Variants in SPATA13 observed in about 807,000 individuals in gnomAD.
The protein encoded by SPATA13 is spermatogenesis associated 13, also known as spermatogenesis-associated protein 13.
In SPATA13, 50 loss-of-function variants were observed where a neutral mutation model predicts 104.0. The ratio of observed to expected loss-of-function variants is 0.48; its 90% CI spans 0.38 to 0.61. The LOEUF (loss-of-function observed/expected upper bound fraction) is 0.61. Among genes scored for constraint, SPATA13 ranks in the 20% least tolerant of loss-of-function variants. The pLI, the probability that SPATA13 is intolerant of heterozygous loss-of-function variation, is 0.00. For synonymous variants in SPATA13, 606 were observed against 667.5 expected, an observed-to-expected ratio of 0.91 and a Z score of 1.42; for missense variants, 1,524 against 1,690.6, an observed-to-expected ratio of 0.90 and a Z score of 1.73.
At position 24,079,595 on chromosome 13, in the gene SPATA13, G is replaced by T. The variant is rs147034003; in HGVS notation, c.-112+61894G>T. Among the ~76,000 whole-genome samples the T allele has an allele frequency of 2.3e-3, 357 of 152,226 alleles. 8 individuals are homozygous for T. The East Asian group carries it at 0.049, about 21-fold the overall frequency. ...ATGGGCAAATGCTAGTAATACAGGG[G>T]GGTCCTGACGGCTTGAGGGAGAGAC... On this transcript the variant is annotated intron_variant, in intron 3 of 14. Transcript: ENST00000424834.
At chr13:24,283,293 G>A (rs1041938782) in intron 4 of SPATA13, among the ~76,000 whole-genome samples, 2 of 152,168 alleles carry the variant, frequency 1.3e-5, no homozygotes, top group Non-Finnish European at 2.9e-5. Context: ...TAAAGACAAG[G>A]GTCATCTGTT....
chr13:24,066,801 A>G (rs1422714953), intron 3 of SPATA13, among the ~76,000 whole-genome samples: 1 of 152,092 alleles, frequency 6.6e-6, no homozygotes, highest in East Asian at 1.9e-4. Context: ...TGCACAGTCA[A>G]CCTTCAAACT....
rs1168079513 is a variant in SPATA13, at chr13:24,222,873, A to G, written c.-57A>G. 6.5e-7 allele frequency: 1 copy of G among 1,545,216 alleles called. No individual in the cohort carries two copies. The highest frequency in any genetic ancestry group is 8.7e-7 in the Non-Finnish European group (1 of 1,142,976). The stretch of plus-strand genomic sequence containing the variant: ...AGGCAGGTGTGAGTGCCAGGACGGC[A>G]TTCCTGGAGATGAAGGCCTGGAGCT... On this transcript the variant is annotated 5_prime_UTR_variant, in exon 2 of 13. Transcript: ENST00000382108.
At chr13:24,302,427 A>C (rs779944890) in intron 12 of SPATA13, among the ~76,000 whole-genome samples, 171 bp from the exon 13 acceptor site, 4 of 135,934 alleles carry the variant, frequency 2.9e-5, no homozygotes, top group Non-Finnish European at 6.2e-5. Context: ...ACACCACTGC[A>C]CTCCAGCCTG....
intron 4 of SPATA13, among the ~76,000 whole-genome samples, chr13:24,268,849 C>A (rs528604751): frequency 1.3e-5 from 2 of 152,134 alleles, no homozygotes; most frequent in Non-Finnish European, 2.9e-5. Flanking sequence ...ACTTGTAGTG[C>A]GGGTTACTAA....
intron 1 of SPATA13, among the ~76,000 whole-genome samples, chr13:24,178,449 A>T (rs1868580432): frequency 6.6e-6 from 1 of 152,176 alleles, no homozygotes; most frequent in Non-Finnish European, 1.5e-5. Context: ...CATCACTTGT[A>T]TACAGTTATT....
At chr13:24,281,901 G>A (rs528125579) in intron 4 of SPATA13, among the ~76,000 whole-genome samples, 2 of 152,292 alleles carry the variant, frequency 1.3e-5, no homozygotes, top group South Asian at 4.1e-4. Flanking sequence ...CATCACCAGT[G>A]CATGAGCTTG....
At chr13:24,288,711 C>T (rs1488096992) in intron 7 of SPATA13, among the ~76,000 whole-genome samples, 2 of 152,200 alleles carry the variant, frequency 1.3e-5, no homozygotes, top group African/African-American at 2.4e-5. Flanking sequence ...TGGAAAAACA[C>T]GTGACGACAC....
intron 1 of SPATA13, among the ~76,000 whole-genome samples, chr13:24,192,314 A>G (rs1410239116): frequency 6.6e-6 from 1 of 152,102 alleles, no homozygotes; most frequent in African/African-American, 2.4e-5. Context: ...TTAATTTCCA[A>G]TTCAGGGGCT....
At chr13:24,194,478 T>C (rs111564789) in intron 1 of SPATA13, among the ~76,000 whole-genome samples, 7 of 152,204 alleles carry the variant, frequency 4.6e-5, no homozygotes, top group Admixed American at 2.0e-4. Flanking sequence ...CTCTGTGAAA[T>C]AGGAGAAACC....
In SPATA13 at chr13:24,302,883, CT is replaced by C; in HGVS notation, c.*114del. The C allele has an allele frequency of 7.2e-7, 1 of 1,388,782 alleles. No individual in the cohort carries two copies. The highest frequency in any genetic ancestry group is 1.0e-6 in the Non-Finnish European group (1 of 999,332). 86.0% of individuals were successfully genotyped at this position (1,388,782 alleles called of 1,614,324 possible). A position where few individuals can be genotyped will look rare whatever the true frequency, so the allele number is the denominator to read the frequency against. ...TCTTGGACCCAGTGATAAAAACTTC[CT>C]TTTAGGGATCAATGAAGGAGAGAAG... On this transcript the variant is annotated 3_prime_UTR_variant, in exon 13 of 13. Coordinates refer to ENST00000382108, the MANE Select transcript of SPATA13 (RefSeq NM_001166271.3).
chr13:24,159,110 A>C (rs79898602), upstream of SPATA13, among the ~76,000 whole-genome samples: 26 of 151,664 alleles, frequency 1.7e-4, no homozygotes, highest in East Asian at 5.8e-4. Context: ...TAATAAAAAA[A>C]CCCTCAATTT....
At chr13:24,258,346 A>G (rs920675182) in intron 4 of SPATA13, among the ~76,000 whole-genome samples, 6 of 139,668 alleles carry the variant, frequency 4.3e-5, no homozygotes, top group African/African-American at 1.6e-4. Context: ...GTTTACCATG[A>G]GAATGAAGAG....
intron 3 of SPATA13, among the ~76,000 whole-genome samples, chr13:24,063,208 G>A (rs567512905): frequency 1.3e-5 from 2 of 152,218 alleles, no homozygotes; most frequent in East Asian, 1.9e-4. Flanking sequence ...GGTTTTATTC[G>A]CGTCTGCCTC....
rs754107229 is a variant in SPATA13 at position 24,286,805 on chromosome 13, G to T, written c.2522G>T (p.Ser841Ile). The T allele has an allele frequency of 6.2e-7, 1 of 1,613,658 alleles. No homozygotes were observed. The highest frequency in any genetic ancestry group is 8.5e-7 in the Non-Finnish European group (1 of 1,179,968). Reference protein sequence around the residue: ...NQEELSENSSSTPSEEQDEEA... With the variant: ...NQEELSENSSITPSEEQDEEA... ...GAAGAGCTGTCGGAAAACTCCAGCA[G>T]CACCCCCAGTGAGGAGCAGGACGAG... The change falls in exon 7 of 13, where the codon AGC (serine) becomes ATC (isoleucine). Residue 841 changes from serine (S) to isoleucine (I), a missense_variant. Ser to Ile is a moderately radical substitution (Grantham distance 142). This residue lies in a region of SPATA13 where 1,089 missense variants were observed against 1,135.9 expected (regional missense o/e 0.96). Transcript: ENST00000382108. The surrounding 1 kb of genome is among the most constrained non-coding windows in gnomAD (Gnocchi z 4.9).
At chr13:23,983,398 C>T (rs1472634877) in intron 1 of SPATA13, among the ~76,000 whole-genome samples, 2 of 152,144 alleles carry the variant, frequency 1.3e-5, no homozygotes, top group Admixed American at 6.5e-5. Context: ...CCTCAATTAC[C>T]GCTATGAAGG....
chr13:24,137,354 A>G (rs1881607713), intron 3 of SPATA13, among the ~76,000 whole-genome samples: 1 of 152,228 alleles, frequency 6.6e-6, no homozygotes, highest in African/African-American at 2.4e-5. Flanking sequence ...TAGTCCAGAA[A>G]GGGGCAGTCT....
At chr13:24,001,839 G>A (rs948199168) in intron 2 of SPATA13, among the ~76,000 whole-genome samples, 6 of 152,056 alleles carry the variant, frequency 3.9e-5, no homozygotes, top group African/African-American at 1.4e-4. Context: ...TCTGTGGGGA[G>A]AGGCTCCGGC....
chr13:24,234,394 A>C (rs1040142498), intron 2 of SPATA13, among the ~76,000 whole-genome samples: 17 of 152,302 alleles, frequency 1.1e-4, no homozygotes, highest in African/African-American at 4.1e-4. Flanking sequence ...GATGACTAAG[A>C]AACTGATTTC....
Sources: allele counts gnomAD v4.1 joint callset (sites outside exome capture counted in the v4.1 genomes callset), GRCh38; gene constraint gnomAD v4.1.1; regional missense constraint gnomAD v4.1.1; non-coding constraint Gnocchi (gnomAD v3.1); transcripts MANE v1.5; gene names NCBI Gene and HGNC (gene_info 2026-07-23, HGNC 2026-07-21).